COLQ: variants seen among roughly 807,000 people sequenced by gnomAD.
COLQ encodes collagen like tail subunit of asymmetric acetylcholinesterase.
COLQ carries 48 observed loss-of-function variants against 69.0 expected under a neutral mutation model. The observed-to-expected ratio is 0.70, with a 90% CI of 0.55 to 0.88. COLQ has a LOEUF of 0.88. Ranked by LOEUF, COLQ falls within the 40% of genes least tolerant of loss-of-function variation. The pLI, the probability that COLQ is intolerant of heterozygous loss-of-function variation, is 0.00. For synonymous variants in COLQ, 217 were observed against 211.2 expected (o/e 1.03, Z -0.24); for missense variants, 618 against 594.6 (o/e 1.04, Z -0.41).
chr3:15,470,462 C>G lies in COLQ; in HGVS notation c.717+74G>C, dbSNP rs1261440627. 4 of 1,359,324 alleles carry G rather than the reference C, an allele frequency of 2.9e-6. No homozygotes were observed. In the East Asian group the frequency reaches 9.2e-5, roughly 31 times the overall value. 84.2% of individuals were successfully genotyped at this position (1,359,324 alleles called of 1,614,324 possible). ...ACAGAATATCTCTGATTAACGCCAC[C>G]TGCCTGCCACTCCACACACTGCCAG... On this transcript the variant is annotated intron_variant, in intron 11 of 16. Coordinates refer to ENST00000383788, the MANE Select transcript of COLQ (RefSeq NM_005677.4).
At chr3:15,497,066 C>G (rs907383330) in intron 1 of COLQ, among the ~76,000 whole-genome samples, 1 of 112,646 alleles carries the variant, frequency 8.9e-6, no homozygotes, top group East Asian at 2.7e-4. Flanking sequence ...TTTTTTGAGA[C>G]GAAGTCTCAC....
rs147070802 is a variant in COLQ at position 15,474,176 on chromosome 3, C to T, written c.600+52G>A. On this transcript the variant is annotated intron_variant, in intron 9 of 16. Coordinates refer to ENST00000383788, the MANE Select transcript of COLQ (RefSeq NM_005677.4). ...GTCCACGGATGGGGGTGGGTGGGGG[C>T]TGCTACTTGCACTGACATTTATCAT... 16,364 of 1,607,046 alleles carry T rather than the reference C, an allele frequency of 0.01. 103 individuals carry two copies. The highest frequency in any genetic ancestry group is 0.012 in the Non-Finnish European group (13,784 of 1,173,616).
intron 1 of COLQ, among the ~76,000 whole-genome samples, chr3:15,511,874 A>G (rs1449924949): frequency 6.6e-6 from 1 of 152,148 alleles, no homozygotes; most frequent in East Asian, 1.9e-4. Context: ...TCAACTCCTC[A>G]TGATCATAAC....
intron 1 of COLQ, among the ~76,000 whole-genome samples, chr3:15,520,914 T>C (rs1012645478): frequency 6.6e-6 from 1 of 152,158 alleles, no homozygotes; most frequent in African/African-American, 2.4e-5. Flanking sequence ...GACCTCCAGC[T>C]GCCTTGTCTG....
At chr3:15,467,380 A>T (rs1421065086) in intron 11 of COLQ, among the ~76,000 whole-genome samples, 1 of 152,250 alleles carries the variant, frequency 6.6e-6, no homozygotes, top group Non-Finnish European at 1.5e-5. Context: ...CAAAGATCTC[A>T]GATGTGAAAA....
chr3:15,502,545 AC>A (rs1253541217), intron 1 of COLQ, among the ~76,000 whole-genome samples: 1 of 151,986 alleles, frequency 6.6e-6, no homozygotes, highest in African/African-American at 2.4e-5. Flanking sequence ...CCTCTGGAGT[AC>A]CTGGAATTAC....
chr3:15,481,135 T>A (rs1176145346), intron 3 of COLQ, among the ~76,000 whole-genome samples: 4 of 152,240 alleles, frequency 2.6e-5, no homozygotes, highest in Non-Finnish European at 5.9e-5. Flanking sequence ...TGTAAAAATT[T>A]TCTCCCATTC....
rs960636929 is a variant in COLQ at position 15,474,358 on chromosome 3, C to A, written c.556-86G>T. 9 of 1,353,370 alleles carry A rather than the reference C, an allele frequency of 6.7e-6. No individual in the cohort carries two copies. In the African/African-American group the frequency reaches 7.2e-5, roughly 11 times the overall value. The allele number at this position is 1,353,370 out of a possible 1,614,324, so 83.8% of individuals were successfully genotyped here. ...TTTCAAACTGAAAAGCTCCCTAAACCAAAACCCTCATTTTACAAGTGAAGA... is the reference window on the plus strand; with the variant it reads ...TTTCAAACTGAAAAGCTCCCTAAACAAAAACCCTCATTTTACAAGTGAAGA... On this transcript the variant is annotated intron_variant, in intron 8 of 16. Coordinates refer to ENST00000383788, the MANE Select transcript of COLQ (RefSeq NM_005677.4).
chr3:15,478,553 C>T lies in COLQ; in HGVS notation c.393+424G>A, dbSNP rs1404772735. The T allele has an allele frequency of 2.7e-5, 7 of 258,850 alleles. No homozygotes were observed. The East Asian group carries it at 6.5e-4, about 24-fold the overall frequency. 16.0% of individuals were successfully genotyped at this position (258,850 alleles called of 1,614,324 possible). The stretch of plus-strand genomic sequence containing the variant: ...CTTAAGTAACCTCCATTTATTTCAG[C>T]TGAGCCAAAAAGCAAAAGCCATTTG... On this transcript the variant is annotated intron_variant, in intron 5 of 16. Coordinates refer to ENST00000383788, the MANE Select transcript of COLQ (RefSeq NM_005677.4).
chr3:15,489,640 G>T lies in COLQ; in HGVS notation c.107-3C>A. On this transcript the variant is annotated splice_polypyrimidine_tract_variant and splice_region_variant and intron_variant, in intron 1 of 16. Coordinates refer to ENST00000383788, the MANE Select transcript of COLQ (RefSeq NM_005677.4). Reference sequence around the variant, plus strand: ...CTTCTGATCCAGGCTGGGAAGGGCTGTTCAGAGAAAACTGCCGCTCGTTAG... The same window carrying T: ...CTTCTGATCCAGGCTGGGAAGGGCTTTTCAGAGAAAACTGCCGCTCGTTAG... 6.2e-7 allele frequency: 1 copy of T among 1,613,774 alleles called. No homozygotes were observed. Among genetic ancestry groups the T allele is most frequent in the Non-Finnish European group, 8.5e-7 (1 of 1,179,782 alleles).
chr3:15,508,352 C>T (rs994017243), intron 1 of COLQ, among the ~76,000 whole-genome samples: 1 of 152,198 alleles, frequency 6.6e-6, no homozygotes, highest in Non-Finnish European at 1.5e-5. Flanking sequence ...TGAAACATTA[C>T]TTATCTGAGA....
chr3:15,457,770 G>A (rs9870391), intron 13 of COLQ, among the ~76,000 whole-genome samples: 4,185 of 152,044 alleles, frequency 0.028, 194 homozygotes, highest in African/African-American at 0.095. Context: ...GCACCACCGC[G>A]CCCGGCTAAT....
intron 1 of COLQ, among the ~76,000 whole-genome samples, chr3:15,502,842 C>G (rs1437855435): frequency 6.6e-6 from 1 of 152,226 alleles, no homozygotes; most frequent in East Asian, 1.9e-4. Context: ...GCGCTGCATA[C>G]TTGCAGACTC....
chr3:15,495,726 T>C (rs1233870990), intron 1 of COLQ, among the ~76,000 whole-genome samples: 1 of 152,158 alleles, frequency 6.6e-6, no homozygotes, highest in East Asian at 1.9e-4. Flanking sequence ...AGTGGTAAAA[T>C]AATATGGATA....
intron 12 of COLQ, among the ~76,000 whole-genome samples, chr3:15,461,955 C>T (rs1409113532): frequency 1.3e-5 from 2 of 151,732 alleles, no homozygotes; most frequent in African/African-American, 4.8e-5. Flanking sequence ...GGGCCTAGTC[C>T]AACTCTGGAT....
chr3:15,469,233 A>T (rs1302615915), intron 11 of COLQ, among the ~76,000 whole-genome samples: 1 of 152,184 alleles, frequency 6.6e-6, no homozygotes, highest in Non-Finnish European at 1.5e-5. Context: ...TAGTCTCAGC[A>T]GGCTCAAGAA....
At chr3:15,498,822 C>A (rs111272959) in intron 1 of COLQ, 1 of 1,447,782 alleles carries the variant, frequency 6.9e-7, no homozygotes, top group African/African-American at 1.4e-5. Context: ...ATGAACACTG[C>A]TGTAGGGGAG....
chr3:15,516,298 G>A lies in COLQ; in HGVS notation c.106+5222C>T, dbSNP rs375961357. On this transcript the variant is annotated intron_variant, in intron 1 of 16. Coordinates refer to ENST00000383788, the MANE Select transcript of COLQ (RefSeq NM_005677.4). ...TGCCAAGAATATGGATAGTTCCCAA[G>A]TGGTGGCCTGGCTGGCTTCCAGGCA... 3.0e-4 allele frequency among the ~76,000 whole-genome samples: 46 copies of A among 152,316 alleles called. 1 individual carries two copies. The highest frequency in any genetic ancestry group is 1.0e-3 in the Admixed American group (16 of 15,302).
intron 1 of COLQ, among the ~76,000 whole-genome samples, chr3:15,513,344 T>C (rs1032461390): frequency 2.6e-5 from 4 of 152,196 alleles, no homozygotes; most frequent in African/African-American, 9.7e-5. Flanking sequence ...CCCACATTCA[T>C]CAATCCCGCC....
Sources: allele counts gnomAD v4.1 joint callset (sites outside exome capture counted in the v4.1 genomes callset), GRCh38; gene constraint gnomAD v4.1.1; transcripts MANE v1.5; gene names NCBI Gene and HGNC (gene_info 2026-07-23, HGNC 2026-07-21).